The following PKP2 variants were observed in gnomAD, a reference collection of about 807,000 sequenced individuals.
PKP2 encodes the protein plakophilin 2, also known as plakophilin-2.
In PKP2, 73 loss-of-function variants were observed where a neutral mutation model predicts 83.4. That is an observed-to-expected ratio of 0.88 (90% confidence interval 0.72 to 1.06). The LOEUF (loss-of-function observed/expected upper bound fraction) is 1.06. PKP2 is among the 50% of genes least tolerant of loss of function. PKP2 has a pLI of 0.00. For missense variants in PKP2, 966 were observed against 1,065.4 expected (o/e 0.91, Z 1.30); for synonymous variants, 409 against 430.4 (o/e 0.95, Z 0.62).
At chr12:32,793,304 G>T (rs1196816199) in intron 11 of PKP2, among the ~76,000 whole-genome samples, 1 of 151,934 alleles carries the variant, frequency 6.6e-6, no homozygotes, top group Non-Finnish European at 1.5e-5. Context: ...ATATTTATAA[G>T]GAATGTATCT....
chr12:32,869,002 C>A lies in PKP2; in HGVS notation c.1095G>T (p.Met365Ile), dbSNP rs770333863. ...CTGCAGCAGAAATCCTGGATGGCAG[C>A]ATGTGGTCTGCCTCGAGCATACTCA... ...RAVSMLEADH[M>I]LPSRISAAAT... is the part of the protein sequence containing the mutation. The change falls in exon 4 of 13, where the codon ATG becomes ATT. Residue 365 changes from methionine (M) to isoleucine (I), a missense_variant. Physicochemically the swap from Met to Ile is conservative, Grantham distance 10 (BLOSUM62 1). Coordinates refer to ENST00000340811, the MANE Select transcript of PKP2 (RefSeq NM_001005242.3). 6.2e-7 allele frequency: 1 copy of A among 1,613,846 alleles called. No individual in the cohort carries two copies. The highest frequency in any genetic ancestry group is 2.2e-5 in the East Asian group (1 of 44,884).
At chr12:32,816,251 G>A (rs1956317284) in intron 9 of PKP2, among the ~76,000 whole-genome samples, 1 of 151,926 alleles carries the variant, frequency 6.6e-6, no homozygotes, top group Admixed American at 6.6e-5. Flanking sequence ...CCCTCTTCTT[G>A]TAGTCCCCAG....
chr12:32,823,384 T>A (rs1238137764), intron 7 of PKP2, among the ~76,000 whole-genome samples: 1 of 129,990 alleles, frequency 7.7e-6, no homozygotes, highest in Non-Finnish European at 1.5e-5. Context: ...ACCACTGCAC[T>A]CCAGCCTGGG....
intron 9 of PKP2, among the ~76,000 whole-genome samples, chr12:32,808,712 T>A (rs1293609669): frequency 6.6e-6 from 1 of 152,108 alleles, no homozygotes; most frequent in Non-Finnish European, 1.5e-5. Context: ...TTCTGTGGGG[T>A]CTTTTTTGTT....
chr12:32,890,684 T>G (rs1422777495), intron 1 of PKP2, among the ~76,000 whole-genome samples: 1 of 151,714 alleles, frequency 6.6e-6, no homozygotes, highest in Non-Finnish European at 1.5e-5. Flanking sequence ...ACAGGCCGGG[T>G]GCGGTGGCTC....
intron 9 of PKP2, among the ~76,000 whole-genome samples, chr12:32,812,638 G>A (rs180752539): frequency 6.6e-6 from 1 of 152,116 alleles, no homozygotes; most frequent in Non-Finnish European, 1.5e-5. Context: ...GAGTAGCTGG[G>A]ACTACAGGCG....
intron 4 of PKP2, among the ~76,000 whole-genome samples, chr12:32,861,467 C>T (rs1956797008): frequency 6.6e-6 from 1 of 151,942 alleles, no homozygotes; most frequent in Non-Finnish European, 1.5e-5. Flanking sequence ...ATATTAAACA[C>T]ATTAATGTAT....
At chr12:32,878,635 T>A in intron 2 of PKP2, 92 bp from the exon 3 acceptor site, 1 of 1,025,380 alleles carries the variant, frequency 9.8e-7, no homozygotes, top group Admixed American at 2.2e-5. Context: ...ACCCAACATG[T>A]CCGTTTCTCT....
At chr12:32,843,015 G>A (rs1464511088) in intron 5 of PKP2, among the ~76,000 whole-genome samples, 1 of 148,028 alleles carries the variant, frequency 6.8e-6, no homozygotes, top group Admixed American at 6.8e-5. Flanking sequence ...AGTCTCACTC[G>A]GTAACCTAGG....
At chr12:32,813,604 C>T (rs1456491387) in intron 9 of PKP2, among the ~76,000 whole-genome samples, 2 of 151,774 alleles carry the variant, frequency 1.3e-5, no homozygotes, top group Non-Finnish European at 2.9e-5. Flanking sequence ...CATAGTGAGA[C>T]CCTGTCTCTA....
chr12:32,822,690 T>A, intron 7 of PKP2, 59 bp from the exon 8 acceptor site: 1 of 1,565,852 alleles, frequency 6.4e-7, no homozygotes, highest in African/African-American at 1.3e-5. Flanking sequence ...GCAGGTGTGA[T>A]ATCACAGGAC....
At chr12:32,860,881 A>G (rs947682410) in intron 4 of PKP2, among the ~76,000 whole-genome samples, 1 of 152,136 alleles carries the variant, frequency 6.6e-6, no homozygotes, top group African/African-American at 2.4e-5. Flanking sequence ...TACAAAAATT[A>G]GCCGGGCATG....
At chr12:32,820,202 T>C (rs1482711298) in intron 9 of PKP2, 1 of 152,228 alleles carries the variant, frequency 6.6e-6, no homozygotes, top group Non-Finnish European at 1.5e-5. Flanking sequence ...AACACACATA[T>C]TAAAGAATAA....
chr12:32,840,882 A>T (rs532230722), intron 6 of PKP2, 146 bp downstream of exon 6: 1 of 690,358 alleles, frequency 1.4e-6, no homozygotes, highest in South Asian at 1.7e-5. Flanking sequence ...TGTTTTAAAA[A>T]AGATAAATAA....
intron 10 of PKP2, among the ~76,000 whole-genome samples, chr12:32,799,114 C>A (rs1358443831): frequency 6.6e-6 from 1 of 152,072 alleles, no homozygotes; most frequent in Non-Finnish European, 1.5e-5. Flanking sequence ...CATGAATAGA[C>A]AATTCTCAAA....
In PKP2 at chr12:32,878,015, A is replaced by G; in HGVS notation, c.865T>C (p.Ser289Pro). The change falls in exon 3 of 13, where the codon TCC becomes CCC. Residue 289 changes from serine to proline, a missense_variant. Ser to Pro is a moderately conservative substitution (Grantham distance 74, BLOSUM62 -1). Coordinates refer to ENST00000340811, the MANE Select transcript of PKP2 (RefSeq NM_001005242.3). Reference sequence around the variant, plus strand: ...CTGTGGAAGGAGCTCTGATGCCAGGAGGACCTGGAAGCCCTGTTCTGAGTG... The same window carrying G: ...CTGTGGAAGGAGCTCTGATGCCAGGGGGACCTGGAAGCCCTGTTCTGAGTG... The part of the protein sequence containing the change: ...PVTQNRASRS[S>P]WHQSSFHSTR... 1 of 1,614,000 alleles carries G rather than the reference A, an allele frequency of 6.2e-7. No homozygotes were observed. The highest frequency in any genetic ancestry group is 8.5e-7 in the Non-Finnish European group (1 of 1,180,040).
chr12:32,892,824 G>GGGA (rs1555149554), intron 1 of PKP2, among the ~76,000 whole-genome samples: 3 of 113,486 alleles, frequency 2.6e-5, no homozygotes, highest in Non-Finnish European at 5.6e-5. Flanking sequence ...GGGGCGGGGG[G>GGGA]GGGGGGAGAA....
intron 4 of PKP2, among the ~76,000 whole-genome samples, chr12:32,866,929 T>A (rs1395026695): frequency 6.6e-6 from 1 of 152,166 alleles, no homozygotes; most frequent in Non-Finnish European, 1.5e-5. Flanking sequence ...AATGGGTGAA[T>A]CTCAAAAGAC....
intron 4 of PKP2, among the ~76,000 whole-genome samples, chr12:32,861,596 A>G (rs1207898706): frequency 6.6e-6 from 1 of 152,220 alleles, no homozygotes; most frequent in Non-Finnish European, 1.5e-5. Flanking sequence ...CCTAACGTGT[A>G]TGTAATTGTA....
Sources: gnomAD v4.1 joint callset for allele counts (sites outside exome capture counted in the v4.1 genomes callset) on GRCh38, gnomAD v4.1.1 for gene constraint, MANE v1.5 for transcripts, NCBI Gene and HGNC (gene_info 2026-07-23, HGNC 2026-07-21) for gene names.